The following MRPL1 variants were observed in gnomAD, a reference collection of about 807,000 sequenced individuals.
MRPL1 encodes large ribosomal subunit protein uL1m.
A neutral mutation model predicts 38.0 loss-of-function variants in MRPL1; 28 were observed. The observed-to-expected ratio is 0.74, with a 90% CI of 0.55 to 1.01. MRPL1 has a LOEUF of 1.01. Ranked by LOEUF, MRPL1 falls within the 50% of genes least tolerant of loss-of-function variation. The pLI is 0.00. For missense variants in MRPL1, 358 were observed against 389.8 expected (o/e 0.92, Z 0.69); for synonymous variants, 123 against 126.7 (o/e 0.97, Z 0.20).
chr4:77,898,814 GT>G (rs140771801), intron 6 of MRPL1, among the ~76,000 whole-genome samples: 10 of 149,150 alleles, frequency 6.7e-5, no homozygotes, highest in South Asian at 4.3e-4. Context: ...ACAATTTATA[GT>G]TTTTTTTTTA....
intron 7 of MRPL1, among the ~76,000 whole-genome samples, chr4:77,923,189 G>A (rs1188404223): frequency 1.3e-5 from 2 of 152,008 alleles, no homozygotes; most frequent in Non-Finnish European, 2.9e-5. Flanking sequence ...TCTGCCTCCT[G>A]AGTTCAAGCG....
intron 7 of MRPL1, among the ~76,000 whole-genome samples, chr4:77,948,301 G>A (rs1737320710): frequency 2.6e-5 from 4 of 152,084 alleles, no homozygotes. Context: ...ATTAAGAGGG[G>A]AATTGAAGGC....
intron 5 of MRPL1, among the ~76,000 whole-genome samples, chr4:77,893,789 T>A (rs1299217440): frequency 1.3e-5 from 2 of 152,338 alleles, no homozygotes; most frequent in South Asian, 2.1e-4. Context: ...TCAGCTTTTG[T>A]AGGTTCCTTC....
chr4:77,862,892 G>C lies in MRPL1; in HGVS notation c.31+13G>C, dbSNP rs771767532. ...TGCATGGGTAGAGGTAAGGCGAGGG[G>C]TTGTCTTGCAGGGGAAATGGCTCTG... On this transcript the variant is annotated intron_variant, in intron 1 of 8. Transcript: ENST00000315567. The C allele has an allele frequency of 3.1e-6, 5 of 1,614,146 alleles. No individual in the cohort carries two copies. Among genetic ancestry groups the C allele is most frequent in the Non-Finnish European group, 4.2e-6 (5 of 1,180,002 alleles).
chr4:77,863,974 A>C (rs968990160), intron 1 of MRPL1, among the ~76,000 whole-genome samples: 1 of 150,366 alleles, frequency 6.7e-6, no homozygotes, highest in Non-Finnish European at 1.5e-5. Context: ...GGTCAGTGAT[A>C]CATGTATATT....
chr4:77,901,600 T>C (rs1736037130), intron 6 of MRPL1, among the ~76,000 whole-genome samples: 1 of 152,268 alleles, frequency 6.6e-6, no homozygotes, highest in South Asian at 2.1e-4. Context: ...GGATTCTATA[T>C]TAATATCAGA....
At chr4:77,885,220 A>C in intron 3 of MRPL1, 36 bp from the exon 4 acceptor site, 1 of 1,473,816 alleles carries the variant, frequency 6.8e-7, no homozygotes. Flanking sequence ...GAAAAGATTA[A>C]CTTTACGTAA....
intron 1 of MRPL1, 55 bp downstream of exon 1, chr4:77,862,934 T>G: frequency 6.2e-7 from 1 of 1,604,716 alleles, no homozygotes; most frequent in Non-Finnish European, 8.5e-7. Flanking sequence ...AGTCTCTGGT[T>G]GCAGCAGAGT....
At chr4:77,927,026 C>T (rs1348191859) in intron 7 of MRPL1, among the ~76,000 whole-genome samples, 1 of 150,054 alleles carries the variant, frequency 6.7e-6, no homozygotes, top group Non-Finnish European at 1.5e-5. Flanking sequence ...CTATTTTCTT[C>T]TTCCCTTTCT....
intron 6 of MRPL1, among the ~76,000 whole-genome samples, chr4:77,894,804 G>A (rs1735878871): frequency 6.6e-6 from 1 of 152,122 alleles, no homozygotes; most frequent in Non-Finnish European, 1.5e-5. Context: ...TGGAGGTGGA[G>A]TTTACACATA....
chr4:77,951,420 G>A (rs1737404581), intron 8 of MRPL1, among the ~76,000 whole-genome samples: 1 of 152,194 alleles, frequency 6.6e-6, no homozygotes, highest in African/African-American at 2.4e-5. Flanking sequence ...GTGAGTGTGT[G>A]TAGTTTGAAG....
intron 7 of MRPL1, among the ~76,000 whole-genome samples, chr4:77,946,292 C>T (rs112738594): frequency 0.075 from 11,375 of 152,068 alleles, 766 homozygotes; most frequent in African/African-American, 0.18. Flanking sequence ...AGTCAGACCT[C>T]ATGGCTCTCT....
At chr4:77,865,909 C>G (rs1253581635) in intron 1 of MRPL1, among the ~76,000 whole-genome samples, 1 of 152,132 alleles carries the variant, frequency 6.6e-6, no homozygotes, top group African/African-American at 2.4e-5. Context: ...TTCCATTTTT[C>G]TAAATCCAAA....
At chr4:77,872,388 A>T (rs1348911435) in intron 2 of MRPL1, among the ~76,000 whole-genome samples, 2 of 152,132 alleles carry the variant, frequency 1.3e-5, no homozygotes, top group Non-Finnish European at 2.9e-5. Flanking sequence ...CCGTACTATG[A>T]TTACATAGTA....
At chr4:77,889,727 A>T (rs941760945) in intron 5 of MRPL1, among the ~76,000 whole-genome samples, 1 of 152,222 alleles carries the variant, frequency 6.6e-6, no homozygotes, top group South Asian at 2.1e-4. Flanking sequence ...AAATTGATAG[A>T]TCGCTAACAA....
chr4:77,874,705 T>C (rs1735354622), intron 2 of MRPL1, among the ~76,000 whole-genome samples: 1 of 151,980 alleles, frequency 6.6e-6, no homozygotes. Context: ...AATAGCATTA[T>C]TATATTTATA....
chr4:77,932,463 C>T lies in MRPL1; in HGVS notation c.778-17334C>T, dbSNP rs72871112. 6.0e-4 allele frequency among the ~76,000 whole-genome samples: 91 copies of T among 152,266 alleles called. 1 individual carries two copies. Among genetic ancestry groups the T allele is most frequent in the African/African-American group, 2.1e-3 (86 of 41,552 alleles). On this transcript the variant is annotated intron_variant, in intron 7 of 8. Transcript: ENST00000315567. ...AAGTAGGTTTGAGATAGCTTCAAAT[C>T]TCCATATGTTCTGGATTAAAGTCAC...
chr4:77,936,209 AT>A (rs1736973927), intron 7 of MRPL1, among the ~76,000 whole-genome samples: 1 of 151,606 alleles, frequency 6.6e-6, no homozygotes, highest in Non-Finnish European at 1.5e-5. Context: ...TGACTTTCGT[AT>A]TCTTTTCCCT....
intron 1 of MRPL1, among the ~76,000 whole-genome samples, chr4:77,868,127 A>G (rs1578035765): frequency 6.6e-6 from 1 of 151,728 alleles, no homozygotes; most frequent in South Asian, 2.1e-4. Flanking sequence ...CAGTGGCACG[A>G]TCTTGGCCCA....
Sources: allele counts gnomAD v4.1 joint callset (sites outside exome capture counted in the v4.1 genomes callset), GRCh38; gene constraint gnomAD v4.1.1; transcripts MANE v1.5; gene names NCBI Gene and HGNC (gene_info 2026-07-23, HGNC 2026-07-21).